Variants in CDH12 observed in about 807,000 individuals in gnomAD.
CDH12 encodes cadherin 12, also known as cadherin-12.
CDH12 carries 41 observed loss-of-function variants against 74.1 expected under a neutral mutation model. The observed-to-expected ratio is 0.55, with a 90% CI of 0.43 to 0.72. The LOEUF (loss-of-function observed/expected upper bound fraction) is 0.72. Among genes scored for constraint, CDH12 ranks in the 30% least tolerant of loss-of-function variants. CDH12 has a pLI of 0.00. For missense variants in CDH12, 945 were observed against 977.2 expected (o/e 0.97, Z 0.44); for synonymous variants, 399 against 355.0 (o/e 1.12, Z -1.39).
chr5:22,490,627 A>T (rs574701377), intron 2 of CDH12, among the ~76,000 whole-genome samples: 2 of 152,302 alleles, frequency 1.3e-5, no homozygotes, highest in South Asian at 4.1e-4. Context: ...GTAATTAAAG[A>T]TTACTGATCT....
rs551681742 is a variant in CDH12, at chr5:22,626,491, G to T, written c.-522-121127C>A. 6.6e-5 allele frequency among the ~76,000 whole-genome samples: 10 copies of T among 152,270 alleles called. No homozygotes were observed. The East Asian group carries it at 1.9e-3, about 29-fold the overall frequency. Reference sequence around the variant, plus strand: ...CCCAAGAGTGCAGAGCTGAGGCTTAGCCCCCTGAAATCTTCCAGAATCAAA... The same window carrying T: ...CCCAAGAGTGCAGAGCTGAGGCTTATCCCCCTGAAATCTTCCAGAATCAAA... On this transcript the variant is annotated intron_variant, in intron 1 of 14. Transcript: ENST00000382254.
intron 1 of CDH12, among the ~76,000 whole-genome samples, chr5:22,667,107 G>A (rs1740664604): frequency 6.6e-6 from 1 of 152,202 alleles, no homozygotes; most frequent in African/African-American, 2.4e-5. Context: ...TAAGTAATGA[G>A]CACTTTCTTT....
At chr5:21,777,416 G>A (rs538439099) in intron 11 of CDH12, among the ~76,000 whole-genome samples, 46 of 151,918 alleles carry the variant, frequency 3.0e-4, no homozygotes, top group African/African-American at 9.9e-4. Flanking sequence ...TAATAAATAC[G>A]TATTTCACTT....
chr5:22,620,398 C>G (rs1737911817), intron 1 of CDH12, among the ~76,000 whole-genome samples: 1 of 151,850 alleles, frequency 6.6e-6, no homozygotes, highest in South Asian at 2.1e-4. Flanking sequence ...TACAACAGTT[C>G]TAAATGTGTT....
chr5:21,872,803 T>G (rs911977420), intron 6 of CDH12, among the ~76,000 whole-genome samples: 36 of 151,756 alleles, frequency 2.4e-4, no homozygotes, highest in Middle Eastern at 3.4e-3. Flanking sequence ...TCTATCTATC[T>G]ATCTATCTAT....
At chr5:21,880,616 C>CTCTCTCTCTCTCT (rs1752255658) in intron 6 of CDH12, among the ~76,000 whole-genome samples, 2 of 50,812 alleles carry the variant, frequency 3.9e-5, no homozygotes, top group African/African-American at 1.8e-4. Context: ...TCCTTCCTTC[C>CTCTCTCTCTCTCT]TTCTTTCTTT....
At chr5:22,565,156 G>C (rs181828590) in intron 1 of CDH12, among the ~76,000 whole-genome samples, 2 of 152,192 alleles carry the variant, frequency 1.3e-5, no homozygotes, top group Non-Finnish European at 2.9e-5. Context: ...AGATGGTCTA[G>C]ATTTCTTAAC....
At chr5:22,487,112 C>T (rs1459392510) in intron 2 of CDH12, among the ~76,000 whole-genome samples, 3 of 151,646 alleles carry the variant, frequency 2.0e-5, no homozygotes, top group Non-Finnish European at 2.9e-5. Flanking sequence ...AAGCGATTCT[C>T]CTGCCTCAGC....
At chr5:22,476,156 TAC>T (rs1746160809) in intron 2 of CDH12, among the ~76,000 whole-genome samples, 7 of 152,058 alleles carry the variant, frequency 4.6e-5, no homozygotes, top group African/African-American at 7.2e-5. Flanking sequence ...GCTATCTACT[TAC>T]CCTGTTTGGA....
chr5:21,878,891 AAG>A (rs1752092093), intron 6 of CDH12, among the ~76,000 whole-genome samples: 1 of 150,962 alleles, frequency 6.6e-6, no homozygotes, highest in Non-Finnish European at 1.5e-5. Flanking sequence ...AAGAAAAAGA[AAG>A]AAGAAAGAAA....
intron 3 of CDH12, among the ~76,000 whole-genome samples, chr5:22,270,978 C>A (rs922515696): frequency 1.3e-5 from 2 of 151,984 alleles, no homozygotes; most frequent in Non-Finnish European, 2.9e-5. Flanking sequence ...CGGCCCTTTA[C>A]TTTTGTTCTT....
At chr5:21,994,931 G>T (rs917483550) in intron 5 of CDH12, among the ~76,000 whole-genome samples, 10 of 152,218 alleles carry the variant, frequency 6.6e-5, no homozygotes, top group Admixed American at 6.5e-4. Flanking sequence ...GCCAGCAACG[G>T]CAACGGAGTG....
chr5:22,094,301 T>G (rs1743613509), intron 4 of CDH12, among the ~76,000 whole-genome samples: 1 of 152,176 alleles, frequency 6.6e-6, no homozygotes, highest in South Asian at 2.1e-4. Flanking sequence ...TCTGACTGAC[T>G]GCAAGCAAGA....
intron 6 of CDH12, among the ~76,000 whole-genome samples, chr5:21,923,982 T>C (rs1209111587): frequency 6.6e-6 from 1 of 152,142 alleles, no homozygotes; most frequent in South Asian, 2.1e-4. Context: ...TGGAGAAAAT[T>C]AAGAGCTGTG....
intron 5 of CDH12, among the ~76,000 whole-genome samples, chr5:22,062,739 G>A (rs2150207686): frequency 6.6e-6 from 1 of 152,230 alleles, no homozygotes; most frequent in East Asian, 1.9e-4. Flanking sequence ...CAGTATCAAG[G>A]TGGCTTTTTC....
chr5:22,783,844 A>G (rs16899328), intron 1 of CDH12, among the ~76,000 whole-genome samples: 1,846 of 152,224 alleles, frequency 0.012, 39 homozygotes, highest in African/African-American at 0.043. Flanking sequence ...AGTAAGCAAG[A>G]TATGTGCCCA....
At chr5:22,730,600 G>A (rs150067190) in intron 1 of CDH12, among the ~76,000 whole-genome samples, 13 of 151,770 alleles carry the variant, frequency 8.6e-5, no homozygotes, top group Middle Eastern at 3.4e-3. Flanking sequence ...TAATTATGAA[G>A]AACTCAGAAA....
chr5:21,779,716 A>G (rs1561177900), intron 11 of CDH12, among the ~76,000 whole-genome samples: 1 of 152,218 alleles, frequency 6.6e-6, no homozygotes, highest in South Asian at 2.1e-4. Context: ...ATACTTAAGC[A>G]ATTTCATTCT....
chr5:22,221,678 G>T (rs569772328), intron 3 of CDH12, among the ~76,000 whole-genome samples: 1 of 151,884 alleles, frequency 6.6e-6, no homozygotes, highest in African/African-American at 2.4e-5. Context: ...ATCTTAAATT[G>T]ATTCCAGCAG....
Sources: gnomAD v4.1 joint callset for allele counts (sites outside exome capture counted in the v4.1 genomes callset) on GRCh38, gnomAD v4.1.1 for gene constraint, MANE v1.5 for transcripts, NCBI Gene and HGNC (gene_info 2026-07-23, HGNC 2026-07-21) for gene names.